Variants in CNTNAP2 observed in about 807,000 individuals in gnomAD.
CNTNAP2 encodes contactin-associated protein-like 2.
In CNTNAP2, 98 loss-of-function variants were observed where a neutral mutation model predicts 155.2. The observed-to-expected ratio is 0.63, with a 90% CI of 0.54 to 0.75. The LOEUF (loss-of-function observed/expected upper bound fraction) is 0.75, where lower values mean the gene tolerates loss of function less well. Among genes scored for constraint, CNTNAP2 ranks in the 30% least tolerant of loss-of-function variants. The pLI, the probability that CNTNAP2 is intolerant of heterozygous loss-of-function variation, is 0.00. For missense variants in CNTNAP2, 1,727 were observed against 1,688.1 expected, an observed-to-expected ratio of 1.02 and a Z score of -0.40; for synonymous variants, 651 against 631.2, an observed-to-expected ratio of 1.03 and a Z score of -0.47.
At chr7:148,371,389 AG>A (rs1798884712) in intron 21 of CNTNAP2, among the ~76,000 whole-genome samples, 2 of 152,104 alleles carry the variant, frequency 1.3e-5, no homozygotes, top group African/African-American at 4.8e-5. Flanking sequence ...AACTGTATTT[AG>A]TTATATCTAG....
At chr7:146,690,133 G>A (rs549751379) in intron 1 of CNTNAP2, among the ~76,000 whole-genome samples, 6 of 151,888 alleles carry the variant, frequency 4.0e-5, no homozygotes, top group Non-Finnish European at 7.4e-5. Context: ...ATTCCTATCT[G>A]CAAGAATTCC....
At chr7:146,687,423 A>G (rs1800619464) in intron 1 of CNTNAP2, among the ~76,000 whole-genome samples, 3 of 152,172 alleles carry the variant, frequency 2.0e-5, no homozygotes, top group Non-Finnish European at 4.4e-5. Context: ...TGTCTTGCCA[A>G]AGTAAGCACG....
intron 3 of CNTNAP2, among the ~76,000 whole-genome samples, chr7:146,986,906 T>C (rs1798123535): frequency 6.6e-6 from 1 of 152,154 alleles, no homozygotes; most frequent in Non-Finnish European, 1.5e-5. Flanking sequence ...TTTTTTCTTT[T>C]TTACTAGATC....
chr7:146,563,593 A>C (rs919011637), intron 1 of CNTNAP2, among the ~76,000 whole-genome samples: 1 of 152,132 alleles, frequency 6.6e-6, no homozygotes, highest in African/African-American at 2.4e-5. Context: ...GTTTTCCTGG[A>C]GTCCTAATAT....
chr7:146,302,950 T>C (rs1412530340), intron 1 of CNTNAP2, among the ~76,000 whole-genome samples: 1 of 152,164 alleles, frequency 6.6e-6, no homozygotes, highest in East Asian at 1.9e-4. Context: ...TTCTGTAGTA[T>C]AGCAGACACA....
At chr7:147,273,897 AT>A (rs1804826125) in intron 8 of CNTNAP2, among the ~76,000 whole-genome samples, 1 of 147,788 alleles carries the variant, frequency 6.8e-6, no homozygotes, top group South Asian at 2.1e-4. Context: ...TATATGTGTA[AT>A]TATATATTAC....
intron 1 of CNTNAP2, among the ~76,000 whole-genome samples, chr7:146,688,846 C>G (rs141130527): frequency 8.8e-4 from 134 of 152,070 alleles, no homozygotes; most frequent in Middle Eastern, 3.4e-3. Context: ...GGAAGTAAAT[C>G]AAAACTCTTC....
intron 16 of CNTNAP2, among the ~76,000 whole-genome samples, chr7:148,132,844 T>G (rs1488965181): frequency 1.3e-5 from 2 of 152,244 alleles, no homozygotes; most frequent in Non-Finnish European, 2.9e-5. Context: ...CCCACGTGGC[T>G]TCCAGCCACT....
At chr7:148,123,932 A>G (rs1372610056) in intron 16 of CNTNAP2, among the ~76,000 whole-genome samples, 1 of 152,216 alleles carries the variant, frequency 6.6e-6, no homozygotes, top group Admixed American at 6.5e-5. Flanking sequence ...TTTAACATGT[A>G]GAGGTCACGG....
intron 15 of CNTNAP2, among the ~76,000 whole-genome samples, chr7:147,984,101 A>G (rs1235717908): frequency 6.6e-6 from 1 of 152,170 alleles, no homozygotes; most frequent in Non-Finnish European, 1.5e-5. Context: ...GAGTCAGGTT[A>G]AAATTTGGTA....
intron 21 of CNTNAP2, among the ~76,000 whole-genome samples, chr7:148,361,367 G>A (rs1258685789): frequency 6.6e-6 from 1 of 152,138 alleles, no homozygotes; most frequent in Admixed American, 6.5e-5. Context: ...CTCCTAGGCT[G>A]TCATAACAAA....
At chr7:146,950,928 T>C (rs1166290302) in intron 3 of CNTNAP2, among the ~76,000 whole-genome samples, 2 of 152,356 alleles carry the variant, frequency 1.3e-5, no homozygotes, top group Non-Finnish European at 2.9e-5. Context: ...AAAGTGTTCC[T>C]ATTTCTCCAC....
intron 1 of CNTNAP2, among the ~76,000 whole-genome samples, chr7:146,718,544 C>T (rs774452581): frequency 4.6e-5 from 7 of 151,838 alleles, no homozygotes; most frequent in Non-Finnish European, 7.4e-5. Flanking sequence ...CCCATTTTAT[C>T]CTCACTTAAA....
intron 1 of CNTNAP2, among the ~76,000 whole-genome samples, chr7:146,431,711 G>T (rs1471307182): frequency 6.6e-6 from 1 of 152,032 alleles, no homozygotes. Context: ...TCACACAGCT[G>T]GTTAGTAAGT....
At position 147,506,456 on chromosome 7, in the gene CNTNAP2, T is replaced by C. The variant is rs1798908328; in HGVS notation, c.1777+20415T>C. Among the ~76,000 whole-genome samples, 5 of 152,210 alleles carry C rather than the reference T, an allele frequency of 3.3e-5. No individual in the cohort carries two copies. The South Asian group carries it at 6.2e-4, about 19-fold the overall frequency. On this transcript the variant is annotated intron_variant, in intron 11 of 23. Transcript: ENST00000361727. ...TTTTAGTAGAGACAAGGTTTCTCCA[T>C]GTTGGTCAGGCTGGTGTCAAAATCC...
chr7:146,561,334 G>T (rs913254265), intron 1 of CNTNAP2, among the ~76,000 whole-genome samples: 1 of 152,116 alleles, frequency 6.6e-6, no homozygotes, highest in East Asian at 1.9e-4. Flanking sequence ...TGGCACACAG[G>T]TCAGAATAGA....
At chr7:148,332,711 C>T (rs1798051148) in intron 21 of CNTNAP2, among the ~76,000 whole-genome samples, 1 of 152,168 alleles carries the variant, frequency 6.6e-6, no homozygotes, top group East Asian at 1.9e-4. Flanking sequence ...GAGAGAGAAG[C>T]AACATCATTC....
intron 1 of CNTNAP2, chr7:146,311,579 T>C (rs1482725146): frequency 8.8e-6 from 1 of 113,028 alleles, no homozygotes; most frequent in African/African-American, 3.7e-5. Context: ...GAGACCAGCC[T>C]GGGCAACAAA....
intron 1 of CNTNAP2, among the ~76,000 whole-genome samples, chr7:146,246,300 G>T (rs192377741): frequency 6.6e-6 from 1 of 150,656 alleles, no homozygotes; most frequent in African/African-American, 2.5e-5. Flanking sequence ...GCAATGAGAT[G>T]TAGCTGTAAT....
Sources: allele counts gnomAD v4.1 joint callset (sites outside exome capture counted in the v4.1 genomes callset), GRCh38; gene constraint gnomAD v4.1.1; transcripts MANE v1.5; gene names NCBI Gene and HGNC (gene_info 2026-07-23, HGNC 2026-07-21).